Variants in CD247 observed in about 807,000 individuals in gnomAD.
CD247 encodes the protein CD247 molecule, also known as T-cell surface glycoprotein CD3 zeta chain.
Under a neutral mutation model 30.0 loss-of-function variants are expected in CD247, and 13 were observed. That is an observed-to-expected ratio of 0.43 (90% CI 0.28 to 0.69). The LOEUF (loss-of-function observed/expected upper bound fraction) is 0.69, where lower values mean the gene tolerates loss of function less well. Among genes scored for constraint, CD247 ranks in the 30% least tolerant of loss-of-function variants. The probability of loss-of-function intolerance (pLI) is 0.16; values close to 1 mark genes in which losing one functional copy is unlikely to be tolerated. For synonymous variants in CD247, 72 were observed against 80.0 expected, an observed-to-expected ratio of 0.90 and a Z score of 0.53; for missense variants, 193 against 212.6, an observed-to-expected ratio of 0.91 and a Z score of 0.57.
At chr1:167,506,426 C>A (rs2102109564) in intron 1 of CD247, among the ~76,000 whole-genome samples, 1 of 151,568 alleles carries the variant, frequency 6.6e-6, no homozygotes, top group Middle Eastern at 3.4e-3. Flanking sequence ...CGGCTCACTG[C>A]AACCTCCGCC....
At chr1:167,500,272 T>A (rs1654849888) in intron 1 of CD247, among the ~76,000 whole-genome samples, 1 of 152,222 alleles carries the variant, frequency 6.6e-6, no homozygotes, top group Non-Finnish European at 1.5e-5. Context: ...GATGAAAACT[T>A]GACATGACCC....
At chr1:167,440,376 A>G in intron 2 of CD247, 1 of 481,522 alleles carries the variant, frequency 2.1e-6, no homozygotes, top group South Asian at 2.1e-5. Context: ...CCCCTTTGTC[A>G]CCAGTAGCAT....
intron 3 of CD247, 97 bp from the exon 4 acceptor site, chr1:167,438,747 C>A: frequency 1.3e-5 from 12 of 948,872 alleles, no homozygotes; most frequent in Non-Finnish European, 1.9e-5. Flanking sequence ...TCTGGGGTGG[C>A]TCATAAAAAG....
intron 1 of CD247, among the ~76,000 whole-genome samples, chr1:167,510,889 C>G (rs1655357487): frequency 6.6e-6 from 1 of 152,208 alleles, no homozygotes; most frequent in South Asian, 2.1e-4. Flanking sequence ...CACTTGAATA[C>G]TTCCCCTCTT....
intron 1 of CD247, among the ~76,000 whole-genome samples, chr1:167,508,842 C>CT (rs776546879): frequency 2.0e-5 from 3 of 152,160 alleles, no homozygotes; most frequent in Non-Finnish European, 4.4e-5. Flanking sequence ...CAAATTTAGA[C>CT]TTTTTTGCAA....
rs1651240231 is a variant in CD247, at chr1:167,431,036, A to G, written c.*645T>C. The stretch of plus-strand genomic sequence containing the variant: ...CCCCTGTAGCACATGGTACAGTTCA[A>G]TGGTGCGGCACAGAGGCCTGAGGCA... On this transcript the variant is annotated 3_prime_UTR_variant, in exon 8 of 8. Transcript: ENST00000362089. 2 of 414,762 alleles carry G rather than the reference A, an allele frequency of 4.8e-6. No homozygotes were observed. The allele number at this position is 414,762 out of a possible 1,614,324, so 25.7% of individuals were successfully genotyped here.
intron 1 of CD247, among the ~76,000 whole-genome samples, chr1:167,465,946 A>G (rs1172559005): frequency 6.6e-6 from 1 of 152,206 alleles, no homozygotes; most frequent in East Asian, 1.9e-4. Context: ...GGCCAGGCAC[A>G]TGCACACACT....
intron 1 of CD247, among the ~76,000 whole-genome samples, chr1:167,483,241 C>T (rs1363850726): frequency 1.3e-5 from 2 of 152,092 alleles, no homozygotes; most frequent in African/African-American, 4.8e-5. Context: ...CTCCCGACCT[C>T]GGGTGATCCA....
At position 167,447,133 on chromosome 1, in the gene CD247, G is replaced by C. The variant is rs555554826; in HGVS notation, c.59-6366C>G. ...ACACATGCATGAAGCATACAGTTTA[G>C]AGAGCTCTTTGCACTTGCATGATCT... On this transcript the variant is annotated intron_variant, in intron 1 of 7. Transcript: ENST00000362089. Among the ~76,000 whole-genome samples the C allele has an allele frequency of 4.6e-5, 7 of 152,340 alleles. No homozygotes were observed. The South Asian group carries it at 1.4e-3, about 32-fold the overall frequency.
intron 1 of CD247, among the ~76,000 whole-genome samples, chr1:167,513,359 A>G (rs1655475299): frequency 6.6e-6 from 1 of 152,200 alleles, no homozygotes; most frequent in African/African-American, 2.4e-5. Context: ...ATTGGAATAT[A>G]AAGAAGTGAG....
At chr1:167,433,913 G>A in intron 6 of CD247, 107 bp downstream of exon 6, 1 of 1,028,712 alleles carries the variant, frequency 9.7e-7, no homozygotes. Flanking sequence ...CCACCACATG[G>A]GCATTTGCAG....
intron 1 of CD247, among the ~76,000 whole-genome samples, chr1:167,466,095 C>A (rs7516690): frequency 0.018 from 2,786 of 152,298 alleles, 98 homozygotes; most frequent in African/African-American, 0.064. Context: ...GCTGACAACA[C>A]GTTAGATTTA....
intron 1 of CD247, among the ~76,000 whole-genome samples, chr1:167,449,973 T>C (rs777572680): frequency 2.0e-5 from 3 of 152,108 alleles, no homozygotes; most frequent in Non-Finnish European, 4.4e-5. Context: ...AGTATTATGT[T>C]ATAATCTAAG....
chr1:167,434,184 C>T (rs1024171967), intron 5 of CD247, 108 bp from the exon 6 acceptor site: 22 of 968,396 alleles, frequency 2.3e-5, no homozygotes, highest in Non-Finnish European at 3.3e-5. Context: ...CAGTGGCAGA[C>T]AGGGAGGGCT....
intron 1 of CD247, among the ~76,000 whole-genome samples, chr1:167,445,330 A>G (rs1162328014): frequency 6.6e-6 from 1 of 152,126 alleles, no homozygotes; most frequent in Non-Finnish European, 1.5e-5. Context: ...TGTTACTGCC[A>G]TGATTTCTAC....
At chr1:167,485,230 C>T (rs997935413) in intron 1 of CD247, among the ~76,000 whole-genome samples, 2 of 152,170 alleles carry the variant, frequency 1.3e-5, no homozygotes, top group Non-Finnish European at 2.9e-5. Context: ...GAAAAGGGAG[C>T]TTGCAGGGAG....
rs1341019840 is a variant in CD247 at position 167,494,603 on chromosome 1, G to A, written c.58+23805C>T. ...AACAGCACCATTCAAAGCTACAGTG[G>A]TCTTATTGCTGTGTTTTCCTAATTG... is the stretch of plus-strand genomic sequence containing the variant. On this transcript the variant is annotated intron_variant, in intron 1 of 7. Coordinates refer to ENST00000362089, the MANE Select transcript of CD247 (RefSeq NM_198053.3). The surrounding 1 kb of genome is among the most constrained non-coding windows in gnomAD (Gnocchi z 7.3). Among the ~76,000 whole-genome samples the A allele has an allele frequency of 2.0e-5, 3 of 152,250 alleles. No individual in the cohort carries two copies. Among genetic ancestry groups the A allele is most frequent in the Admixed American group, 6.5e-5 (1 of 15,300 alleles).
chr1:167,458,030 T>C (rs1309363694), intron 1 of CD247, among the ~76,000 whole-genome samples: 1 of 152,188 alleles, frequency 6.6e-6, no homozygotes, highest in Non-Finnish European at 1.5e-5. Flanking sequence ...TGAAAGAACA[T>C]TTTTATGGGA....
At chr1:167,479,374 T>C (rs906504612) in intron 1 of CD247, among the ~76,000 whole-genome samples, 3 of 152,174 alleles carry the variant, frequency 2.0e-5, no homozygotes, top group African/African-American at 7.2e-5. Flanking sequence ...TAAAAAGACA[T>C]TTTTAAAAAA....
Sources: allele counts gnomAD v4.1 joint callset (sites outside exome capture counted in the v4.1 genomes callset), GRCh38; gene constraint gnomAD v4.1.1; non-coding constraint Gnocchi (gnomAD v3.1); transcripts MANE v1.5; gene names NCBI Gene and HGNC (gene_info 2026-07-23, HGNC 2026-07-21).